LRFN5: variants seen among roughly 807,000 people sequenced by gnomAD.
LRFN5 encodes the protein leucine rich repeat and fibronectin type III domain containing 5, also known as leucine-rich repeat and fibronectin type-III domain-containing protein 5.
A neutral mutation model predicts 45.6 loss-of-function variants in LRFN5; 24 were observed. The ratio of observed to expected loss-of-function variants is 0.53; its 90% CI spans 0.38 to 0.74. The LOEUF is 0.74. LRFN5 is among the 30% of genes least tolerant of loss of function. The pLI is 0.00. For synonymous variants in LRFN5, 340 were observed against 313.8 expected, an observed-to-expected ratio of 1.08 and a Z score of -0.88; for missense variants, 776 against 861.5, an observed-to-expected ratio of 0.90 and a Z score of 1.24.
intron 2 of LRFN5, among the ~76,000 whole-genome samples, chr14:41,807,476 G>A (rs1887563740): frequency 6.6e-6 from 1 of 152,014 alleles, no homozygotes. Context: ...AGCCATTTGA[G>A]GAATATGGAA....
chr14:41,767,558 G>A (rs567980447), intron 2 of LRFN5, among the ~76,000 whole-genome samples: 24 of 152,060 alleles, frequency 1.6e-4, no homozygotes, highest in African/African-American at 2.7e-4. Flanking sequence ...TGAATGATAC[G>A]TTATCTGGGT....
intron 2 of LRFN5, among the ~76,000 whole-genome samples, chr14:41,845,201 G>A (rs1889018429): frequency 6.6e-6 from 1 of 151,964 alleles, no homozygotes; most frequent in South Asian, 2.1e-4. Context: ...AGATTAATAA[G>A]CATGCATTAT....
chr14:41,726,472 A>C (rs773610305), intron 1 of LRFN5, among the ~76,000 whole-genome samples: 1 of 152,160 alleles, frequency 6.6e-6, no homozygotes, highest in Non-Finnish European at 1.5e-5. Context: ...TACAAATAAT[A>C]ACTAAACTAA....
At chr14:41,755,711 CTT>C (rs2138855175) in intron 1 of LRFN5, among the ~76,000 whole-genome samples, 1 of 152,294 alleles carries the variant, frequency 6.6e-6, no homozygotes, top group South Asian at 2.1e-4. Flanking sequence ...GGCCTTGACT[CTT>C]TATCCAATTT....
chr14:41,822,697 TG>T (rs1414292304), intron 2 of LRFN5, among the ~76,000 whole-genome samples: 1 of 152,060 alleles, frequency 6.6e-6, no homozygotes, highest in Non-Finnish European at 1.5e-5. Flanking sequence ...TCTGTTTCCT[TG>T]TTAGTTTTTT....
intron 2 of LRFN5, among the ~76,000 whole-genome samples, chr14:41,873,334 A>G (rs1890080981): frequency 6.6e-6 from 1 of 152,046 alleles, no homozygotes; most frequent in African/African-American, 2.4e-5. Flanking sequence ...TTCCCAAAAT[A>G]CAATAAAATG....
chr14:41,705,902 C>T (rs1883044703), intron 1 of LRFN5, among the ~76,000 whole-genome samples: 1 of 152,154 alleles, frequency 6.6e-6, no homozygotes, highest in Non-Finnish European at 1.5e-5. Context: ...AACTTGTGTT[C>T]AACGTATACA....
At chr14:41,697,228 G>A (rs927171363) in intron 1 of LRFN5, among the ~76,000 whole-genome samples, 1 of 151,820 alleles carries the variant, frequency 6.6e-6, no homozygotes, top group African/African-American at 2.4e-5. Flanking sequence ...TTTGTAGGAA[G>A]ATTTTTCTAT....
At chr14:41,653,824 G>A (rs1055445820) in intron 1 of LRFN5, among the ~76,000 whole-genome samples, 12 of 152,070 alleles carry the variant, frequency 7.9e-5, no homozygotes, top group African/African-American at 2.7e-4. Flanking sequence ...AAGGGGAGAA[G>A]TCATCGAATT....
chr14:41,629,263 C>G (rs1888454079), intron 1 of LRFN5, among the ~76,000 whole-genome samples: 1 of 152,086 alleles, frequency 6.6e-6, no homozygotes, highest in Non-Finnish European at 1.5e-5. Flanking sequence ...ATGATTGTTT[C>G]TTGTATTGCG....
intron 1 of LRFN5, among the ~76,000 whole-genome samples, chr14:41,675,468 C>T (rs997877133): frequency 4.6e-5 from 7 of 152,164 alleles, no homozygotes; most frequent in African/African-American, 1.7e-4. Flanking sequence ...TCAGGCGTGG[C>T]GGCGCGCGCC....
chr14:41,744,849 A>C (rs1408343031), intron 1 of LRFN5, among the ~76,000 whole-genome samples: 1 of 152,190 alleles, frequency 6.6e-6, no homozygotes, highest in Non-Finnish European at 1.5e-5. Flanking sequence ...AAGAAGACAA[A>C]GCAGTTTAAA....
intron 1 of LRFN5, among the ~76,000 whole-genome samples, chr14:41,763,163 A>C (rs1293656270): frequency 2.6e-5 from 4 of 152,218 alleles, no homozygotes; most frequent in Non-Finnish European, 5.9e-5. Context: ...ATAAGGTTTT[A>C]TGATGAGTAC....
chr14:41,831,667 A>G (rs1003062244), intron 2 of LRFN5, among the ~76,000 whole-genome samples: 3 of 152,148 alleles, frequency 2.0e-5, no homozygotes, highest in African/African-American at 7.2e-5. Flanking sequence ...ATATTATTAC[A>G]TTTTATACAT....
intron 2 of LRFN5, among the ~76,000 whole-genome samples, chr14:41,869,622 A>C (rs1428471233): frequency 6.6e-6 from 1 of 152,140 alleles, no homozygotes; most frequent in Non-Finnish European, 1.5e-5. Flanking sequence ...TTTATAAAGA[A>C]AAAGAGGTTT....
chr14:41,855,280 T>C (rs1220891660), intron 2 of LRFN5, among the ~76,000 whole-genome samples: 10 of 152,162 alleles, frequency 6.6e-5, no homozygotes, highest in Non-Finnish European at 1.5e-5. Context: ...TAGCCTTTAA[T>C]ATCACACTGT....
intron 2 of LRFN5, among the ~76,000 whole-genome samples, chr14:41,782,231 T>A (rs1476079957): frequency 6.6e-6 from 1 of 151,978 alleles, no homozygotes; most frequent in Non-Finnish European, 1.5e-5. Flanking sequence ...TTTTTTAAAT[T>A]CTTTTTTTCC....
chr14:41,673,162 G>T (rs549444499), intron 1 of LRFN5, among the ~76,000 whole-genome samples: 153 of 151,950 alleles, frequency 1.0e-3, no homozygotes, highest in African/African-American at 3.4e-3. Context: ...TCTTTTCCCC[G>T]CCTTTCCCCT....
chr14:41,639,117 A>G (rs1033738033), intron 1 of LRFN5, among the ~76,000 whole-genome samples: 2 of 152,004 alleles, frequency 1.3e-5, no homozygotes, highest in African/African-American at 4.8e-5. Context: ...TCTCTATTGA[A>G]ATGCTGAAAT....
Sources: gnomAD v4.1 joint callset for allele counts (sites outside exome capture counted in the v4.1 genomes callset) on GRCh38, gnomAD v4.1.1 for gene constraint, MANE v1.5 for transcripts, NCBI Gene and HGNC (gene_info 2026-07-23, HGNC 2026-07-21) for gene names.